Variants in ELAPOR2 observed in about 807,000 individuals in gnomAD.
ELAPOR2 encodes endosome-lysosome associated apoptosis and autophagy regulator family member 2.
Under a neutral mutation model 120.7 loss-of-function variants are expected in ELAPOR2, and 89 were observed. The ratio of observed to expected loss-of-function variants is 0.74; its 90% CI spans 0.62 to 0.88. ELAPOR2 has a LOEUF of 0.88. ELAPOR2 is among the 40% of genes least tolerant of loss of function. The pLI is 0.00. For missense variants in ELAPOR2, 1,134 were observed against 1,251.6 expected (o/e 0.91, Z 1.42); for synonymous variants, 444 against 444.9 (o/e 1.00, Z 0.03).
chr7:87,019,533 G>T (rs77795659), intron 1 of ELAPOR2, among the ~76,000 whole-genome samples: 1,595 of 152,080 alleles, frequency 0.01, 31 homozygotes, highest in African/African-American at 0.037. Flanking sequence ...TCATTAAGCA[G>T]GCATTCACAA....
intron 19 of ELAPOR2, among the ~76,000 whole-genome samples, chr7:86,896,209 T>C (rs1326408364): frequency 6.6e-6 from 1 of 152,278 alleles, no homozygotes; most frequent in Admixed American, 6.5e-5. Flanking sequence ...ACTCTATGCT[T>C]GTACTTTATC....
chr7:86,997,873 A>C (rs1793177878), intron 1 of ELAPOR2, among the ~76,000 whole-genome samples: 1 of 152,174 alleles, frequency 6.6e-6, no homozygotes, highest in South Asian at 2.1e-4. Context: ...TAGCTATGGT[A>C]CTGAATTACT....
chr7:87,016,077 G>C (rs1206482954), intron 1 of ELAPOR2, among the ~76,000 whole-genome samples: 2 of 152,092 alleles, frequency 1.3e-5, no homozygotes, highest in African/African-American at 4.8e-5. Context: ...ACTGAAACCT[G>C]AGACAAACAA....
chr7:87,020,747 G>A (rs1301105434), intron 1 of ELAPOR2, among the ~76,000 whole-genome samples: 1 of 151,950 alleles, frequency 6.6e-6, no homozygotes, highest in Non-Finnish European at 1.5e-5. Flanking sequence ...TTAATTTTAT[G>A]TTAAATGAAT....
chr7:86,925,530 T>C lies in ELAPOR2; in HGVS notation c.1397A>G (p.Asn466Ser). 2 of 1,611,380 alleles carry C rather than the reference T, an allele frequency of 1.2e-6. No individual in the cohort carries two copies. Among genetic ancestry groups the C allele is most frequent in the Non-Finnish European group, 1.7e-6 (2 of 1,178,182 alleles). Residue 466 changes from asparagine (N) to serine (S), a missense_variant and splice_region_variant, in exon 10 of 22, where the codon AAT becomes AGT. Asn to Ser is a conservative substitution (Grantham distance 46). Around this residue, in one of 3 missense-constraint regions of ELAPOR2, gnomAD observed 831 missense variants for 867.6 expected, o/e 0.96. Transcript: ENST00000450689. Reference protein sequence around the residue: ...NVGNSKCDGMNGWEVAGDHIQ... With the variant: ...NVGNSKCDGMSGWEVAGDHIQ... Reference sequence around the variant, plus strand: ...AAGTAGGCTGATTTTGAACTTACCATTCATTCCATCGCACTTTGAATTCCC... The same window carrying C: ...AAGTAGGCTGATTTTGAACTTACCACTCATTCCATCGCACTTTGAATTCCC...
chr7:86,926,747 T>C lies in ELAPOR2; in HGVS notation c.1259A>G (p.Asp420Gly), dbSNP rs1485780714. ...CHPCPPGTFS[D>G]GTKECRPCPA... is the part of the protein sequence containing the mutation. Reference sequence around the variant, plus strand: ...AATTGACATCCTACCTTTGGTTCCATCTGAAAATGTTCCAGGAGGACAGGG... The same window carrying C: ...AATTGACATCCTACCTTTGGTTCCACCTGAAAATGTTCCAGGAGGACAGGG... The change falls in exon 9 of 22, where the codon GAT becomes GGT. Residue 420 changes from aspartate (D) to glycine (G), a missense_variant. By Grantham distance (94) the Asp-to-Gly change is moderately conservative. Transcript: ENST00000450689. 2.7e-5 allele frequency: 44 copies of C among 1,607,644 alleles called. No homozygotes were observed. The highest frequency in any genetic ancestry group is 3.7e-5 in the Non-Finnish European group (43 of 1,176,930).
In ELAPOR2 at chr7:86,897,626, G is replaced by C; in HGVS notation, c.2565C>G (p.Cys855Trp). The C allele has an allele frequency of 6.2e-7, 1 of 1,612,970 alleles. No homozygotes were observed. Among genetic ancestry groups the C allele is most frequent in the Non-Finnish European group, 8.5e-7 (1 of 1,179,326 alleles). Residue 855 changes from cysteine (C) to tryptophan (W), a missense_variant, in exon 19 of 22, where the codon TGC (cysteine) becomes TGG (tryptophan). Cys to Trp is a radical substitution (Grantham distance 215). Coordinates refer to ENST00000450689, the MANE Select transcript of ELAPOR2 (RefSeq NM_001142749.3). Reference sequence around the variant, plus strand: ...TACACCCATCACAGGTACCTGCTGGGCACTTGCTAAAATCATAAACAAAAC... The same window carrying C: ...TACACCCATCACAGGTACCTGCTGGCCACTTGCTAAAATCATAAACAAAAC... ...GAGVISVPSK[C>W]PAGTCDGCTF...
chr7:86,956,576 G>A (rs1047177380), intron 2 of ELAPOR2, among the ~76,000 whole-genome samples: 9 of 152,150 alleles, frequency 5.9e-5, no homozygotes, highest in Admixed American at 2.0e-4. Flanking sequence ...AAACTGATAC[G>A]TGTGACACCA....
At position 86,880,460 on chromosome 7, in the gene ELAPOR2, G is replaced by A. The variant is rs964224798; in HGVS notation, c.*11C>T. On this transcript the variant is annotated 3_prime_UTR_variant, in exon 22 of 22. Coordinates refer to ENST00000450689, the MANE Select transcript of ELAPOR2 (RefSeq NM_001142749.3). ...TTTGTTCATTAGTCTCAAGGCTACA[G>A]CACTGTCTCTTCATATATTTGGGGA... 5 of 1,597,680 alleles carry A rather than the reference G, an allele frequency of 3.1e-6. No homozygotes were observed. Among genetic ancestry groups the A allele is most frequent in the Non-Finnish European group, 4.3e-6 (5 of 1,165,432 alleles).
chr7:86,964,112 G>T (rs538511003), intron 2 of ELAPOR2, among the ~76,000 whole-genome samples: 23 of 152,232 alleles, frequency 1.5e-4, no homozygotes, highest in East Asian at 1.2e-3. Flanking sequence ...TTTGGAAACA[G>T]AAAAACTAAG....
chr7:87,000,447 G>C (rs1255228036), intron 1 of ELAPOR2, among the ~76,000 whole-genome samples: 1 of 152,098 alleles, frequency 6.6e-6, no homozygotes, highest in East Asian at 1.9e-4. Flanking sequence ...AAGTTGTCTA[G>C]AAGAGCAGCC....
At chr7:87,022,141 C>CATATGT (rs1235607494) in intron 1 of ELAPOR2, among the ~76,000 whole-genome samples, 2 of 151,998 alleles carry the variant, frequency 1.3e-5, no homozygotes, top group Admixed American at 6.6e-5. Flanking sequence ...AGGTTTGTTA[C>CATATGT]ATATGTATAC....
intron 2 of ELAPOR2, among the ~76,000 whole-genome samples, chr7:86,964,417 T>TA (rs1156432468): frequency 3.9e-5 from 6 of 151,994 alleles, no homozygotes; most frequent in African/African-American, 1.4e-4. Context: ...TAGGTTATAC[T>TA]AAAAAAAATT....
chr7:87,037,691 G>C (rs1425368169), intron 1 of ELAPOR2, among the ~76,000 whole-genome samples: 1 of 152,132 alleles, frequency 6.6e-6, no homozygotes, highest in Non-Finnish European at 1.5e-5. Context: ...GCGCTTCATA[G>C]CTTGCCTCGC....
At chr7:86,992,149 G>A (rs1792963189) in intron 1 of ELAPOR2, among the ~76,000 whole-genome samples, 1 of 152,154 alleles carries the variant, frequency 6.6e-6, no homozygotes, top group Non-Finnish European at 1.5e-5. Context: ...CTCCTGGCTA[G>A]GCCTGGTAGC....
chr7:86,905,080 A>AAGGAAGGAAGGT (rs1788917418), intron 18 of ELAPOR2, among the ~76,000 whole-genome samples: 7 of 94,858 alleles, frequency 7.4e-5, no homozygotes, highest in Admixed American at 4.6e-4. Context: ...AGAAGGAAGG[A>AAGGAAGGAAGGT]AGGAAGGAAG....
chr7:86,955,148 T>G (rs781617964), intron 2 of ELAPOR2, among the ~76,000 whole-genome samples: 2 of 152,144 alleles, frequency 1.3e-5, no homozygotes, highest in Non-Finnish European at 2.9e-5. Context: ...TCAGATCTTC[T>G]TCCTCCTTCA....
At chr7:86,900,231 GAA>G (rs368923926) in intron 18 of ELAPOR2, among the ~76,000 whole-genome samples, 1 of 148,966 alleles carries the variant, frequency 6.7e-6, no homozygotes, top group African/African-American at 2.5e-5. Flanking sequence ...CTCAATAAAT[GAA>G]AAAAAAAGGA....
chr7:87,022,926 G>GT (rs1406604123), intron 1 of ELAPOR2, among the ~76,000 whole-genome samples: 2 of 151,912 alleles, frequency 1.3e-5, no homozygotes, highest in Admixed American at 6.6e-5. Context: ...TGATGGGGTT[G>GT]TTTTTTTCTT....
Sources: allele counts gnomAD v4.1 joint callset (sites outside exome capture counted in the v4.1 genomes callset), GRCh38; gene constraint gnomAD v4.1.1; regional missense constraint gnomAD v4.1.1; transcripts MANE v1.5; gene names NCBI Gene and HGNC (gene_info 2026-07-23, HGNC 2026-07-21).